CSMD3: variants seen among roughly 807,000 people sequenced by gnomAD.
CSMD3 encodes the protein CUB and sushi domain-containing protein 3.
In CSMD3, 177 loss-of-function variants were observed where a neutral mutation model predicts 435.2. The ratio of observed to expected loss-of-function variants is 0.41; its 90% confidence interval spans 0.36 to 0.46. The LOEUF (loss-of-function observed/expected upper bound fraction) is 0.46, where lower values mean the gene tolerates loss of function less well. CSMD3 is among the 20% of genes least tolerant of loss of function. The probability of loss-of-function intolerance (pLI) is 0.34; values close to 1 mark genes in which losing one functional copy is unlikely to be tolerated. For synonymous variants in CSMD3, 1,656 were observed against 1,520.5 expected (o/e 1.09, Z -2.07); for missense variants, 4,265 against 4,504.6 (o/e 0.95, Z 1.52).
At chr8:112,353,206 C>T (rs545880272) in intron 38 of CSMD3, among the ~76,000 whole-genome samples, 17 of 152,102 alleles carry the variant, frequency 1.1e-4, no homozygotes, top group South Asian at 1.0e-3. Flanking sequence ...GCCTGGCCAC[C>T]GTGGTCAAAC....
chr8:112,904,218 C>T (rs770857975), intron 10 of CSMD3, among the ~76,000 whole-genome samples: 9 of 151,308 alleles, frequency 5.9e-5, no homozygotes, highest in Non-Finnish European at 1.0e-4. Context: ...TATTGTACAG[C>T]GCGGTGACTA....
chr8:113,143,846 A>T (rs1487021296), intron 4 of CSMD3, among the ~76,000 whole-genome samples: 1 of 151,374 alleles, frequency 6.6e-6, no homozygotes, highest in African/African-American at 2.4e-5. Context: ...AAAATATCCT[A>T]TGGTGATGGA....
intron 1 of CSMD3, among the ~76,000 whole-genome samples, chr8:113,338,821 A>G (rs2094096635): frequency 6.6e-6 from 1 of 151,954 alleles, no homozygotes; most frequent in South Asian, 2.1e-4. Flanking sequence ...CACAACTCTG[A>G]ATATACTGAA....
At chr8:112,994,568 A>G (rs2085574553) in intron 6 of CSMD3, among the ~76,000 whole-genome samples, 1 of 151,640 alleles carries the variant, frequency 6.6e-6, no homozygotes, top group Non-Finnish European at 1.5e-5. Context: ...ATACTATGGG[A>G]TATAATTATC....
intron 5 of CSMD3, among the ~76,000 whole-genome samples, chr8:113,060,514 A>G (rs1564267023): frequency 6.6e-6 from 1 of 152,068 alleles, no homozygotes; most frequent in Non-Finnish European, 1.5e-5. Context: ...TATACCATAA[A>G]CCTGAGGTTA....
At chr8:112,240,772 G>A (rs915678271) in intron 66 of CSMD3, among the ~76,000 whole-genome samples, 3 of 152,084 alleles carry the variant, frequency 2.0e-5, no homozygotes, top group Admixed American at 2.0e-4. Flanking sequence ...GTTGTAGGAG[G>A]AATCTGGTGG....
At chr8:112,539,487 A>T (rs994024168) in intron 27 of CSMD3, among the ~76,000 whole-genome samples, 1 of 152,148 alleles carries the variant, frequency 6.6e-6, no homozygotes, top group Non-Finnish European at 1.5e-5. Flanking sequence ...GAATAAAGAT[A>T]GCTTAGTGGC....
At chr8:113,223,081 A>T (rs2092988494) in intron 3 of CSMD3, among the ~76,000 whole-genome samples, 1 of 150,646 alleles carries the variant, frequency 6.6e-6, no homozygotes, top group South Asian at 2.1e-4. Context: ...TATTTTTCCA[A>T]CAACTTCCTT....
intron 5 of CSMD3, among the ~76,000 whole-genome samples, chr8:113,089,305 A>T (rs2089920309): frequency 1.3e-5 from 2 of 152,190 alleles, no homozygotes; most frequent in Admixed American, 6.5e-5. Context: ...GTTCTATGCC[A>T]AAGGGTGTCA....
At chr8:113,065,463 T>G (rs1399525422) in intron 5 of CSMD3, among the ~76,000 whole-genome samples, 1 of 152,142 alleles carries the variant, frequency 6.6e-6, no homozygotes, top group Non-Finnish European at 1.5e-5. Context: ...CTCGGTTCAC[T>G]GCCAGCTCCG....
intron 22 of CSMD3, among the ~76,000 whole-genome samples, chr8:112,627,230 T>C (rs540935658): frequency 1.3e-5 from 2 of 152,238 alleles, no homozygotes; most frequent in East Asian, 3.9e-4. Context: ...TCTATTATAG[T>C]TTTTCTTTTT....
chr8:113,052,034 T>C (rs1050057182), intron 5 of CSMD3, among the ~76,000 whole-genome samples: 49 of 152,342 alleles, frequency 3.2e-4, no homozygotes, highest in African/African-American at 1.0e-3. Flanking sequence ...TATTTTGACT[T>C]TGAAAATATT....
intron 13 of CSMD3, among the ~76,000 whole-genome samples, chr8:112,766,767 G>T (rs943232239): frequency 6.6e-6 from 1 of 151,830 alleles, no homozygotes. Context: ...AGAAGCAGCA[G>T]CAGAGAAACA....
intron 1 of CSMD3, among the ~76,000 whole-genome samples, chr8:113,330,135 C>T (rs760923783): frequency 1.3e-4 from 20 of 151,958 alleles, no homozygotes; most frequent in South Asian, 4.1e-4. Context: ...TAGTTTACAA[C>T]GTATAAATAT....
chr8:113,050,310 T>G (rs551149274), intron 5 of CSMD3, among the ~76,000 whole-genome samples: 1 of 151,968 alleles, frequency 6.6e-6, no homozygotes, highest in Admixed American at 6.6e-5. Context: ...AAGAAAAAAT[T>G]GATTTATTCT....
At position 113,420,308 on chromosome 8, in the gene CSMD3, AAGG is replaced by A. The variant is rs1445351923; in HGVS notation, c.178+16366_178+16368del. ...AATTCTCATATGCACTTACTAAATGAAGGAGGAGATTCAGAACCAAAACAAAAA... is the reference window on the plus strand; with the variant it reads ...AATTCTCATATGCACTTACTAAATGAAGGAGATTCAGAACCAAAACAAAAA... On this transcript the variant is annotated intron_variant, in intron 1 of 70. Coordinates refer to ENST00000297405, the MANE Select transcript of CSMD3 (RefSeq NM_198123.2). 9.2e-5 allele frequency among the ~76,000 whole-genome samples: 14 copies of A among 152,264 alleles called. No homozygotes were observed. The East Asian group carries it at 9.6e-4, about 10-fold the overall frequency.
At chr8:112,792,433 G>A (rs769541980) in intron 13 of CSMD3, among the ~76,000 whole-genome samples, 2 of 151,990 alleles carry the variant, frequency 1.3e-5, no homozygotes, top group Non-Finnish European at 2.9e-5. Flanking sequence ...TCATATAAGG[G>A]CACTAATCTC....
intron 63 of CSMD3, among the ~76,000 whole-genome samples, chr8:112,250,882 C>A (rs1469481474): frequency 6.6e-6 from 1 of 151,738 alleles, no homozygotes; most frequent in African/African-American, 2.4e-5. Context: ...AATTTTAAGA[C>A]ATGTTTAATC....
chr8:112,237,522 C>A (rs1251789741), intron 66 of CSMD3, among the ~76,000 whole-genome samples, 174 bp from the exon 67 acceptor site: 1 of 151,916 alleles, frequency 6.6e-6, no homozygotes, highest in Non-Finnish European at 1.5e-5. Context: ...TAGAATAAAT[C>A]CACATTGTAA....
Sources: allele counts gnomAD v4.1 joint callset (sites outside exome capture counted in the v4.1 genomes callset), GRCh38; gene constraint gnomAD v4.1.1; transcripts MANE v1.5; gene names NCBI Gene and HGNC (gene_info 2026-07-23, HGNC 2026-07-21).